KHDRBS2: variants seen among roughly 807,000 people sequenced by gnomAD.
KHDRBS2 encodes KH RNA binding domain containing, signal transduction associated 2, also known as KH domain-containing, RNA-binding, signal transduction-associated protein 2.
KHDRBS2 carries 26 observed loss-of-function variants against 44.3 expected under a neutral mutation model. The ratio of observed to expected loss-of-function variants is 0.59; its 90% CI spans 0.43 to 0.81. KHDRBS2 has a LOEUF of 0.81. Among genes scored for constraint, KHDRBS2 ranks in the 40% least tolerant of loss-of-function variants. The pLI, the probability that KHDRBS2 is intolerant of heterozygous loss-of-function variation, is 0.00. For synonymous variants in KHDRBS2, 194 were observed against 151.1 expected (o/e 1.28, Z -2.08); for missense variants, 476 against 433.1 (o/e 1.10, Z -0.88).
chr6:61,575,157 A>G, the KHDRBS2 span, among the ~76,000 whole-genome samples: 1 of 152,336 alleles, frequency 6.6e-6, no homozygotes, highest in Admixed American at 6.5e-5. Context: ...GAAAGAAATA[A>G]TCAGCAGAGT....
intron 6 of KHDRBS2, among the ~76,000 whole-genome samples, chr6:61,765,091 A>T (rs1252295550): frequency 6.6e-6 from 1 of 152,182 alleles, no homozygotes; most frequent in Non-Finnish European, 1.5e-5. Context: ...GGTACAGAGA[A>T]TTTAAAATGG....
At chr6:62,023,166 A>T (rs1384823238) in intron 3 of KHDRBS2, among the ~76,000 whole-genome samples, 1 of 151,748 alleles carries the variant, frequency 6.6e-6, no homozygotes, top group African/African-American at 2.4e-5. Flanking sequence ...AAAATTATAT[A>T]CTAATCCATA....
chr6:61,589,585 A>G, the KHDRBS2 span, among the ~76,000 whole-genome samples: 1 of 152,208 alleles, frequency 6.6e-6, no homozygotes, highest in East Asian at 1.9e-4. Context: ...TCACTCAAAC[A>G]TATTCAGAAT....
chr6:61,948,035 G>A (rs1410819302), intron 4 of KHDRBS2, among the ~76,000 whole-genome samples: 1 of 151,618 alleles, frequency 6.6e-6, no homozygotes, highest in African/African-American at 2.4e-5. Flanking sequence ...TACATAAAGG[G>A]AAGGCAATTT....
At chr6:62,134,971 G>A (rs1778824605) in intron 2 of KHDRBS2, among the ~76,000 whole-genome samples, 1 of 152,196 alleles carries the variant, frequency 6.6e-6, no homozygotes, top group Admixed American at 6.5e-5. Flanking sequence ...ACTTTGGACT[G>A]TGGGCTTTTG....
At chr6:62,040,253 G>A (rs1268836091) in intron 3 of KHDRBS2, among the ~76,000 whole-genome samples, 1 of 151,612 alleles carries the variant, frequency 6.6e-6, no homozygotes, top group African/African-American at 2.4e-5. Context: ...ACGCATGCAC[G>A]CACACGCACA....
At chr6:62,035,961 A>T (rs2076073265) in intron 3 of KHDRBS2, among the ~76,000 whole-genome samples, 1 of 151,996 alleles carries the variant, frequency 6.6e-6, no homozygotes, top group South Asian at 2.1e-4. Context: ...ATATACTTTG[A>T]TCAATTTTCT....
At chr6:62,159,783 C>G (rs1817242311) in intron 2 of KHDRBS2, among the ~76,000 whole-genome samples, 1 of 152,056 alleles carries the variant, frequency 6.6e-6, no homozygotes, top group Non-Finnish European at 1.5e-5. Context: ...AAATAAAATG[C>G]TATTAAGAAA....
At chr6:62,258,233 T>TA (rs1446236402) in intron 1 of KHDRBS2, among the ~76,000 whole-genome samples, 6 of 152,166 alleles carry the variant, frequency 3.9e-5, no homozygotes, top group Non-Finnish European at 7.4e-5. Context: ...CGCACTCTGC[T>TA]AGATGGGTTT....
At chr6:61,701,382 G>A (rs530102509) in intron 7 of KHDRBS2, among the ~76,000 whole-genome samples, 8 of 152,086 alleles carry the variant, frequency 5.3e-5, no homozygotes, top group Admixed American at 2.6e-4. Flanking sequence ...AGTGAAGCTA[G>A]TTACTTCTCT....
chr6:61,615,863 C>A, the KHDRBS2 span, among the ~76,000 whole-genome samples: 1 of 152,150 alleles, frequency 6.6e-6, no homozygotes, highest in Non-Finnish European at 1.5e-5. Flanking sequence ...CATGCATTAC[C>A]TACCAGAGGA....
At chr6:61,867,554 G>C (rs1797967919) in intron 6 of KHDRBS2, among the ~76,000 whole-genome samples, 1 of 152,126 alleles carries the variant, frequency 6.6e-6, no homozygotes, top group South Asian at 2.1e-4. Context: ...GTTTTCAGTG[G>C]TTTTGCACTA....
intron 6 of KHDRBS2, among the ~76,000 whole-genome samples, chr6:61,859,482 A>G (rs937343390): frequency 1.3e-5 from 2 of 151,854 alleles, no homozygotes; most frequent in Admixed American, 1.3e-4. Flanking sequence ...TAAAAAAAAA[A>G]GTCGCCCATT....
At chr6:61,906,184 G>T (rs1583441524) in intron 4 of KHDRBS2, among the ~76,000 whole-genome samples, 1 of 152,110 alleles carries the variant, frequency 6.6e-6, no homozygotes, top group East Asian at 1.9e-4. Context: ...AGGGATAGCT[G>T]AACTCTTAAA....
chr6:62,142,876 T>C (rs1211695302), intron 2 of KHDRBS2, among the ~76,000 whole-genome samples: 3 of 149,016 alleles, frequency 2.0e-5, no homozygotes, highest in African/African-American at 7.7e-5. Context: ...TTATATATCA[T>C]CACATTATTG....
At chr6:61,963,960 C>G (rs1769329404) in intron 4 of KHDRBS2, among the ~76,000 whole-genome samples, 1 of 151,992 alleles carries the variant, frequency 6.6e-6, no homozygotes, top group Admixed American at 6.6e-5. Flanking sequence ...AAAAAGACAA[C>G]TTTTAAGATT....
At chr6:61,948,934 G>A (rs954114340) in intron 4 of KHDRBS2, among the ~76,000 whole-genome samples, 3 of 151,878 alleles carry the variant, frequency 2.0e-5, no homozygotes, top group Non-Finnish European at 2.9e-5. Flanking sequence ...TTATGCGAGC[G>A]GAATACTTCA....
At chr6:62,158,521 T>C (rs1336466443) in intron 2 of KHDRBS2, among the ~76,000 whole-genome samples, 5 of 152,160 alleles carry the variant, frequency 3.3e-5, no homozygotes, top group Non-Finnish European at 7.4e-5. Flanking sequence ...CCCATTATAT[T>C]ACATTATCTT....
intron 4 of KHDRBS2, among the ~76,000 whole-genome samples, chr6:61,928,381 A>G (rs1809373647): frequency 6.6e-6 from 1 of 152,110 alleles, no homozygotes; most frequent in African/African-American, 2.4e-5. Flanking sequence ...CAATCCTCAG[A>G]GGAGAAAAAC....
Sources: gnomAD v4.1 joint callset for allele counts (sites outside exome capture counted in the v4.1 genomes callset) on GRCh38, gnomAD v4.1.1 for gene constraint, MANE v1.5 for transcripts, NCBI Gene and HGNC (gene_info 2026-07-23, HGNC 2026-07-21) for gene names.